Variants in AKAP19 observed in about 807,000 individuals in gnomAD.
AKAP19 encodes the protein A-kinase anchoring protein 19, also known as small A-kinase anchoring protein.
At chr2:189,887,077 G>A in the AKAP19 span, among the ~76,000 whole-genome samples, 26 of 152,222 alleles carry the variant, frequency 1.7e-4, no homozygotes, top group South Asian at 3.7e-3. Flanking sequence ...TGTCATGGTG[G>A]TTTGCTGCAC....
the AKAP19 span, among the ~76,000 whole-genome samples, chr2:190,086,958 G>A: frequency 6.6e-6 from 1 of 152,082 alleles, no homozygotes; most frequent in Admixed American, 6.6e-5. Flanking sequence ...AACCCTTCTA[G>A]TGTTTCCTGG....
chr2:190,020,634 C>A, the AKAP19 span, among the ~76,000 whole-genome samples: 1 of 152,104 alleles, frequency 6.6e-6, no homozygotes, highest in African/African-American at 2.4e-5. Context: ...TTTAAGTGTA[C>A]AATTTAGTAG....
the AKAP19 span, among the ~76,000 whole-genome samples, chr2:190,050,702 T>G: frequency 6.6e-6 from 1 of 152,110 alleles, no homozygotes; most frequent in African/African-American, 2.4e-5. Context: ...TACAAAGAAA[T>G]AGTAAATAGA....
chr2:189,959,286 T>C, the AKAP19 span, among the ~76,000 whole-genome samples: 2 of 152,152 alleles, frequency 1.3e-5, no homozygotes, highest in African/African-American at 4.8e-5. Context: ...TCCTTAGGGA[T>C]AGTAGCTACA....
chr2:189,975,412 C>G, the AKAP19 span, among the ~76,000 whole-genome samples: 19 of 152,152 alleles, frequency 1.2e-4, no homozygotes. Flanking sequence ...CTGCCCTTAA[C>G]GTTTTTTCCT....
At chr2:189,997,207 T>A in the AKAP19 span, among the ~76,000 whole-genome samples, 2 of 152,168 alleles carry the variant, frequency 1.3e-5, no homozygotes, top group South Asian at 4.1e-4. Context: ...TGTAATGTCC[T>A]GAGTTGGTTG....
chr2:189,994,212 A>G, the AKAP19 span, among the ~76,000 whole-genome samples: 1 of 151,902 alleles, frequency 6.6e-6, no homozygotes, highest in Admixed American at 6.6e-5. Flanking sequence ...GGGTTTCACT[A>G]TGTTGGCCAG....
chr2:190,109,799 A>G, the AKAP19 span, among the ~76,000 whole-genome samples: 3 of 152,184 alleles, frequency 2.0e-5, no homozygotes, highest in Non-Finnish European at 4.4e-5. Flanking sequence ...TGTGAGCCCT[A>G]GGGAAACAGG....
At chr2:190,018,127 C>T in the AKAP19 span, among the ~76,000 whole-genome samples, 5 of 152,182 alleles carry the variant, frequency 3.3e-5, no homozygotes, top group East Asian at 9.6e-4. Context: ...TCATGGTGAA[C>T]TCCTCTTTAG....
chr2:190,198,438 C>A, the AKAP19 span, among the ~76,000 whole-genome samples: 86 of 152,084 alleles, frequency 5.7e-4, no homozygotes, highest in African/African-American at 2.0e-3. Flanking sequence ...CCCGGGAGTT[C>A]AAGACCAGCC....
chr2:190,067,756 G>A, the AKAP19 span, among the ~76,000 whole-genome samples: 3 of 152,186 alleles, frequency 2.0e-5, no homozygotes, highest in African/African-American at 7.2e-5. Flanking sequence ...TCCTTTAAGA[G>A]TAGAATTAAT....
the AKAP19 span, among the ~76,000 whole-genome samples, chr2:190,185,069 T>C: frequency 1.3e-5 from 2 of 152,244 alleles, no homozygotes; most frequent in Non-Finnish European, 2.9e-5. Context: ...ATTTGAACAC[T>C]GTTCTTCCAT....
the AKAP19 span, among the ~76,000 whole-genome samples, chr2:189,914,174 T>G: frequency 6.6e-6 from 1 of 152,066 alleles, no homozygotes; most frequent in East Asian, 1.9e-4. Flanking sequence ...TGTGCAGCTG[T>G]TACGTACAAT....
At chr2:190,099,804 C>G in the AKAP19 span, among the ~76,000 whole-genome samples, 3 of 152,182 alleles carry the variant, frequency 2.0e-5, no homozygotes, top group Admixed American at 6.5e-5. Flanking sequence ...TCAGACTTAC[C>G]ATGATATAAC....
At chr2:190,146,111 G>A in the AKAP19 span, among the ~76,000 whole-genome samples, 2 of 151,886 alleles carry the variant, frequency 1.3e-5, no homozygotes, top group Non-Finnish European at 2.9e-5. Context: ...CACCCGAGCA[G>A]TATACACTGT....
At chr2:190,042,117 G>T in the AKAP19 span, among the ~76,000 whole-genome samples, 2 of 152,064 alleles carry the variant, frequency 1.3e-5, no homozygotes, top group African/African-American at 2.4e-5. Context: ...TGTACATCTG[G>T]TAGAATTTGG....
chr2:189,937,847 T>C, the AKAP19 span, among the ~76,000 whole-genome samples: 1 of 152,304 alleles, frequency 6.6e-6, no homozygotes, highest in East Asian at 1.9e-4. Context: ...GAAAGCAGTT[T>C]GGAGTTTCCT....
chr2:190,153,856 A>G, the AKAP19 span, among the ~76,000 whole-genome samples: 648 of 152,232 alleles, frequency 4.3e-3, 18 homozygotes, highest in South Asian at 1.9e-3. Flanking sequence ...TCTTTTTTGC[A>G]GTCTATAAGG....
chr2:189,913,258 T>C, the AKAP19 span, among the ~76,000 whole-genome samples: 4 of 152,108 alleles, frequency 2.6e-5, no homozygotes, highest in African/African-American at 9.7e-5. Flanking sequence ...CCTTTCCAAG[T>C]TCTGTAATTA....
Sources: allele counts gnomAD v4.1 joint callset (sites outside exome capture counted in the v4.1 genomes callset), GRCh38; gene constraint gnomAD v4.1.1; transcripts MANE v1.5; gene names NCBI Gene and HGNC (gene_info 2026-07-23, HGNC 2026-07-21).